The following AATK variants were observed in gnomAD, a reference collection of about 807,000 sequenced individuals.
AATK encodes the protein lemur tail kinase 1.
AATK carries 91 observed loss-of-function variants against 114.3 expected under a neutral mutation model. That is an observed-to-expected ratio of 0.80 (90% CI 0.67 to 0.95). AATK has a LOEUF of 0.95. Among genes scored for constraint, AATK ranks in the 40% least tolerant of loss-of-function variants. The pLI, the probability that AATK is intolerant of heterozygous loss-of-function variation, is 0.00. For missense variants in AATK, 2,176 were observed against 1,965.2 expected (o/e 1.11, Z -2.03); for synonymous variants, 1,075 against 916.5 (o/e 1.17, Z -3.12).
intron 2 of AATK, chr17:81,133,418 C>T (rs2060965376): frequency 3.1e-5 from 10 of 327,764 alleles, no homozygotes; most frequent in South Asian, 2.2e-4. Flanking sequence ...TCATGGGTCA[C>T]TTAGTAGGAA....
intron 1 of AATK, among the ~76,000 whole-genome samples, chr17:81,142,085 A>G (rs990116963): frequency 1.3e-5 from 2 of 151,782 alleles, no homozygotes; most frequent in African/African-American, 2.4e-5. Flanking sequence ...CCCCCCAAGT[A>G]GCTGGGATTA....
chr17:81,136,137 T>A (rs2061005918), intron 1 of AATK: 1 of 152,398 alleles, frequency 6.6e-6, no homozygotes, highest in South Asian at 2.1e-4. Flanking sequence ...ATGGTGCCCA[T>A]CTCCCAGGCT....
rs758702468 is a variant in AATK, at chr17:81,127,569, G to A, written c.621+14C>T. On this transcript the variant is annotated intron_variant, in intron 6 of 13. Coordinates refer to ENST00000326724, the MANE Select transcript of AATK (RefSeq NM_001080395.3). ...TCAGCAAAGACCCCAGCATCCCCCC[G>A]GGCAGCAGCTCACCAGTGGGCAGAA... 1.4e-5 allele frequency: 22 copies of A among 1,585,748 alleles called. No individual in the cohort carries two copies. The highest frequency in any genetic ancestry group is 1.7e-4 in the Middle Eastern group (1 of 6,050).
In AATK at chr17:81,131,831, C is replaced by T. The variant is rs1469357607; in HGVS notation, c.190-626G>A. On this transcript the variant is annotated intron_variant, in intron 2 of 13. Transcript: ENST00000326724. ...AGCAATTAAGTGCCCCCACCCCTGC[C>T]GGGACAAGGAGCATTCCTGGATGTC... 2.9e-5 allele frequency: 38 copies of T among 1,294,600 alleles called. 1 individual carries two copies. The highest frequency in any genetic ancestry group is 1.1e-4 in the East Asian group (2 of 17,770). 80.2% of individuals were successfully genotyped at this position (1,294,600 alleles called of 1,614,324 possible). A position where few individuals can be genotyped will look rare whatever the true frequency, so the allele number is the denominator to read the frequency against.
At chr17:81,124,607 T>C in intron 9 of AATK, 120 bp downstream of exon 9, 1 of 1,490,374 alleles carries the variant, frequency 6.7e-7, no homozygotes, top group East Asian at 2.3e-5. Context: ...TGCTGGCGTG[T>C]GGCCACTACA....
At chr17:81,147,230 AGG>A (rs1196577284) in intron 1 of AATK, among the ~76,000 whole-genome samples, 1 of 151,440 alleles carries the variant, frequency 6.6e-6, no homozygotes, top group African/African-American at 2.4e-5. Flanking sequence ...GCGTGGTGGC[AGG>A]TACCTGTAGT....
Position 81,126,566 on chromosome 17 carries a change from G to A in AATK, c.622-6C>T, listed in dbSNP as rs1444458073. The A allele has an allele frequency of 1.3e-6, 2 of 1,536,670 alleles. No individual in the cohort carries two copies. Among genetic ancestry groups the A allele is most frequent in the Non-Finnish European group, 1.8e-6 (2 of 1,136,150 alleles). ...AGGTAGCCCTTGAGGTCCCCCTGCA[G>A]AAAGGGGGTGTGGCGCAGTCACCAG... is the stretch of plus-strand genomic sequence containing the variant. On this transcript the variant is annotated splice_polypyrimidine_tract_variant and splice_region_variant and intron_variant, in intron 6 of 13. Coordinates refer to ENST00000326724, the MANE Select transcript of AATK (RefSeq NM_001080395.3). The surrounding 1 kb of genome is among the most constrained non-coding windows in gnomAD (Gnocchi z 5.1).
chr17:81,123,094 G>T, intron 10 of AATK, 100 bp downstream of exon 10: 1 of 1,300,168 alleles, frequency 7.7e-7, no homozygotes, highest in Non-Finnish European at 9.9e-7. Flanking sequence ...AGACCAGGCA[G>T]GGCTGGAACG....
chr17:81,123,086 A>T, intron 10 of AATK, 108 bp downstream of exon 10: 1 of 1,251,632 alleles, frequency 8.0e-7, no homozygotes, highest in Non-Finnish European at 1.0e-6. Flanking sequence ...GGGAGGGGAG[A>T]CCAGGCAGGG....
intron 7 of AATK, chr17:81,125,478 C>T (rs2146302641): frequency 2.7e-6 from 1 of 367,080 alleles, no homozygotes; most frequent in Non-Finnish European, 5.6e-6. Context: ...GGGTCCAGCC[C>T]TGCCATGCCC....
intron 1 of AATK, among the ~76,000 whole-genome samples, chr17:81,148,977 G>A (rs571026187): frequency 1.5e-4 from 23 of 152,306 alleles, no homozygotes; most frequent in African/African-American, 5.1e-4. Flanking sequence ...CACGGAGACC[G>A]GGGGTGGAGG....
rs2146400743 is a variant in AATK, at chr17:81,154,614, C to T, written c.55+11324G>A. ...AATTACAGGCGTGAACCACCACACC[C>T]AGCCTTTCCTACTATTTTATTTACT... On this transcript the variant is annotated intron_variant, in intron 1 of 13. Coordinates refer to ENST00000326724, the MANE Select transcript of AATK (RefSeq NM_001080395.3). 1.4e-5 allele frequency among the ~76,000 whole-genome samples: 2 copies of T among 143,076 alleles called. 1 individual carries two copies. The highest frequency in any genetic ancestry group is 4.5e-4 in the South Asian group (2 of 4,428). 93.9% of individuals were successfully genotyped at this position (143,076 alleles called of 152,430 possible). A position where few individuals can be genotyped will look rare whatever the true frequency, so the allele number is the denominator to read the frequency against.
rs1007409320 is a variant in AATK at position 81,126,373 on chromosome 17, AG to A, written c.755+53del. 3.0e-5 allele frequency: 45 copies of A among 1,518,780 alleles called. No homozygotes were observed. The African/African-American group carries it at 5.5e-4, about 19-fold the overall frequency. 94.1% of individuals were successfully genotyped at this position (1,518,780 alleles called of 1,614,324 possible). A position where few individuals can be genotyped will look rare whatever the true frequency, so the allele number is the denominator to read the frequency against. ...AGGACCCGCCCTATGCCCTTCCTTC[AG>A]GGGAGGGGCCTGGCCTAGGGCTTCC... On this transcript the variant is annotated intron_variant, in intron 7 of 13. Coordinates refer to ENST00000326724, the MANE Select transcript of AATK (RefSeq NM_001080395.3). This position sits in a 1 kb window ranked among gnomAD's most constrained non-coding sequence, Gnocchi z 5.1.
intron 1 of AATK, among the ~76,000 whole-genome samples, chr17:81,144,333 G>GC (rs1207832755): frequency 6.6e-6 from 1 of 152,216 alleles, no homozygotes; most frequent in East Asian, 1.9e-4. Flanking sequence ...CCTTGTCCCA[G>GC]CCCCACACTG....
Position 81,120,472 on chromosome 17 carries a change from T to C in AATK, c.3464A>G (p.Glu1155Gly). ...CTCCTCCTCCTCCTCCGGCCGGCCC[T>C]CCAAGGCCGCAGGGAGGCCGGGCAG... ...LALPGLPAAL[E>G]GRPEEEEEDS... The change falls in exon 11 of 14, where the codon GAG becomes GGG. Residue 1155 changes from glutamate (E) to glycine (G), a missense_variant. Transcript: ENST00000326724. The C allele has an allele frequency of 1.3e-6, 2 of 1,530,742 alleles. No homozygotes were observed. The highest frequency in any genetic ancestry group is 1.8e-6 in the Non-Finnish European group (2 of 1,134,968). The allele number at this position is 1,530,742 out of a possible 1,614,324, so 94.8% of individuals were successfully genotyped here.
intron 1 of AATK, among the ~76,000 whole-genome samples, chr17:81,164,724 C>T (rs2061465529): frequency 6.6e-6 from 1 of 152,206 alleles, no homozygotes; most frequent in Non-Finnish European, 1.5e-5. Context: ...GCCTCCTCCA[C>T]CCCCTGCCCT....
chr17:81,118,092 C>T lies in AATK; in HGVS notation c.*310G>A, dbSNP rs2060590166. 2 of 333,064 alleles carry T rather than the reference C, an allele frequency of 6.0e-6. No individual in the cohort carries two copies. The highest frequency in any genetic ancestry group is 1.3e-4 in the South Asian group (2 of 15,212). 20.6% of individuals were successfully genotyped at this position (333,064 alleles called of 1,614,324 possible). A position where few individuals can be genotyped will look rare whatever the true frequency, so the allele number is the denominator to read the frequency against. The stretch of plus-strand genomic sequence containing the variant: ...GGCAGAGGGTGGGGGCCGCCGTGCC[C>T]AGGGGCACTGGCCCCTTTTGAGTGT... On this transcript the variant is annotated 3_prime_UTR_variant, in exon 14 of 14. Transcript: ENST00000326724.
intron 4 of AATK, 141 bp downstream of exon 4, chr17:81,128,329 C>A: frequency 9.2e-7 from 1 of 1,090,930 alleles, no homozygotes; most frequent in Non-Finnish European, 1.3e-6. Flanking sequence ...TGAGGACCTC[C>A]CTGGGGAAGG....
chr17:81,120,384 G>C lies in AATK; in HGVS notation c.3552C>G (p.Ser1184Arg). 1 of 1,607,496 alleles carries C rather than the reference G, an allele frequency of 6.2e-7. No individual in the cohort carries two copies. The highest frequency in any genetic ancestry group is 8.5e-7 in the Non-Finnish European group (1 of 1,177,512). The change falls in exon 11 of 14, where the codon AGC becomes AGG. Residue 1184 changes from serine to arginine, a missense_variant. Physicochemically the swap from Ser to Arg is moderately radical, Grantham distance 110 (BLOSUM62 -1). This residue lies in a region of AATK where 1,701 missense variants were observed against 1,394.7 expected (regional missense o/e 1.22). Coordinates refer to ENST00000326724, the MANE Select transcript of AATK (RefSeq NM_001080395.3). ...ELRCYSVQEP[S>R]EDSEEEAPAV... ...CCGGCGCCTCCTCTTCGCTGTCCTC[G>C]CTAGGCTCCTGGACGCTGTAGCAGC...
Sources: allele counts gnomAD v4.1 joint callset (sites outside exome capture counted in the v4.1 genomes callset), GRCh38; gene constraint gnomAD v4.1.1; regional missense constraint gnomAD v4.1.1; non-coding constraint Gnocchi (gnomAD v3.1); transcripts MANE v1.5; gene names NCBI Gene and HGNC (gene_info 2026-07-23, HGNC 2026-07-21).